Variants in IFT88 observed in about 807,000 individuals in gnomAD.
IFT88 encodes the protein intraflagellar transport 88.
Under a neutral mutation model 119.5 loss-of-function variants are expected in IFT88, and 74 were observed. The observed-to-expected ratio is 0.62, with a 90% CI of 0.51 to 0.75. IFT88 has a LOEUF of 0.75. IFT88 is among the 30% of genes least tolerant of loss of function. The pLI, the probability that IFT88 is intolerant of heterozygous loss-of-function variation, is 0.00. For synonymous variants in IFT88, 279 were observed against 316.7 expected, an observed-to-expected ratio of 0.88 and a Z score of 1.26; for missense variants, 961 against 977.7, an observed-to-expected ratio of 0.98 and a Z score of 0.23.
At chr13:20,674,726 T>TATATA (rs2056426946) in intron 24 of IFT88, among the ~76,000 whole-genome samples, 1 of 61,972 alleles carries the variant, frequency 1.6e-5, no homozygotes, top group East Asian at 5.4e-4. Flanking sequence ...ATATATATAT[T>TATATA]TTTTTTTTTT....
intron 20 of IFT88, among the ~76,000 whole-genome samples, chr13:20,649,483 C>T (rs189633932): frequency 5.3e-4 from 80 of 152,116 alleles, no homozygotes; most frequent in African/African-American, 1.8e-3. Flanking sequence ...CTAAAACTTA[C>T]AAGATGCTGC....
intron 2 of IFT88, among the ~76,000 whole-genome samples, chr13:20,577,667 C>T (rs2037651220): frequency 6.6e-6 from 1 of 152,068 alleles, no homozygotes; most frequent in Non-Finnish European, 1.5e-5. Context: ...GATTGATTTG[C>T]ATAAGTTGAA....
intron 20 of IFT88, among the ~76,000 whole-genome samples, chr13:20,651,657 G>A (rs73433350): frequency 2.8e-3 from 420 of 151,576 alleles, no homozygotes; most frequent in African/African-American, 8.8e-3. Context: ...GAGACAGACC[G>A]CATCTACATA....
chr13:20,667,438 A>AG (rs1174109746), intron 23 of IFT88, among the ~76,000 whole-genome samples: 4 of 152,150 alleles, frequency 2.6e-5, no homozygotes, highest in Non-Finnish European at 5.9e-5. Flanking sequence ...GAGTGTGGGC[A>AG]GGAATTCCCT....
intron 9 of IFT88, among the ~76,000 whole-genome samples, chr13:20,598,245 A>G (rs2042076328): frequency 1.3e-5 from 2 of 152,296 alleles, no homozygotes; most frequent in South Asian, 2.1e-4. Context: ...GTAATTTAGT[A>G]TATAGAGCTT....
At chr13:20,610,485 T>C (rs2044292831) in intron 13 of IFT88, among the ~76,000 whole-genome samples, 1 of 152,098 alleles carries the variant, frequency 6.6e-6, no homozygotes, top group Non-Finnish European at 1.5e-5. Flanking sequence ...TTACAGGAGT[T>C]GTCTATACGA....
intron 7 of IFT88, 106 bp downstream of exon 7, chr13:20,592,510 C>A: frequency 2.6e-6 from 2 of 761,902 alleles, no homozygotes; most frequent in Non-Finnish European, 4.2e-6. Context: ...CACTCTGTTG[C>A]CCAGGCTGGA....
At chr13:20,650,070 T>A (rs2140454161) in intron 20 of IFT88, among the ~76,000 whole-genome samples, 1 of 152,016 alleles carries the variant, frequency 6.6e-6, no homozygotes, top group Non-Finnish European at 1.5e-5. Context: ...ATTCACACCA[T>A]TTTTTTTCAA....
At chr13:20,675,906 C>T (rs2056606616) in intron 24 of IFT88, among the ~76,000 whole-genome samples, 1 of 152,222 alleles carries the variant, frequency 6.6e-6, no homozygotes, top group African/African-American at 2.4e-5. Context: ...TTGCTAATCC[C>T]TGCTCTAAGC....
chr13:20,576,011 C>G (rs2037312444), intron 2 of IFT88, among the ~76,000 whole-genome samples: 1 of 152,188 alleles, frequency 6.6e-6, no homozygotes, highest in Non-Finnish European at 1.5e-5. Flanking sequence ...TCCCTTTTCT[C>G]CACATTCTCA....
chr13:20,587,647 A>G (rs1401809372), intron 3 of IFT88, among the ~76,000 whole-genome samples: 2 of 152,104 alleles, frequency 1.3e-5, no homozygotes, highest in Non-Finnish European at 2.9e-5. Context: ...CTTTATATAT[A>G]TGGAGCAAAG....
At chr13:20,646,333 T>A (rs1210421366) in intron 20 of IFT88, among the ~76,000 whole-genome samples, 1 of 151,702 alleles carries the variant, frequency 6.6e-6, no homozygotes, top group East Asian at 1.9e-4. Context: ...GACGGAGTCT[T>A]GCTTTGTCGC....
At chr13:20,648,736 A>C (rs998448369) in intron 20 of IFT88, among the ~76,000 whole-genome samples, 9 of 152,156 alleles carry the variant, frequency 5.9e-5, no homozygotes, top group African/African-American at 2.2e-4. Flanking sequence ...TAGCAGATTG[A>C]ATAAGAAAAT....
chr13:20,667,383 G>A (rs2054886848), intron 23 of IFT88, among the ~76,000 whole-genome samples: 1 of 152,116 alleles, frequency 6.6e-6, no homozygotes, highest in African/African-American at 2.4e-5. Flanking sequence ...GAGGTGGGTT[G>A]CATGTCAGAT....
chr13:20,591,742 T>G (rs765693817), intron 6 of IFT88, 61 bp downstream of exon 6: 3 of 1,091,144 alleles, frequency 2.7e-6, no homozygotes, highest in Non-Finnish European at 4.1e-6. Context: ...TATCATTTTG[T>G]GATATAAATA....
intron 1 of IFT88, among the ~76,000 whole-genome samples, chr13:20,570,004 C>A (rs1185694345): frequency 3.3e-5 from 5 of 151,184 alleles, no homozygotes; most frequent in African/African-American, 1.2e-4. Context: ...GCGCCACTGC[C>A]CTCTAGCCTA....
chr13:20,661,991 T>C (rs1337261476), intron 22 of IFT88, among the ~76,000 whole-genome samples: 1 of 152,172 alleles, frequency 6.6e-6, no homozygotes, highest in Non-Finnish European at 1.5e-5. Context: ...GATTTTCAAA[T>C]GCCCTACCTA....
rs972920282 is a variant in IFT88, at chr13:20,587,605, C to G, written c.154-2206C>G. Among the ~76,000 whole-genome samples, 10 of 152,114 alleles carry G rather than the reference C, an allele frequency of 6.6e-5. No homozygotes were observed. In the South Asian group the frequency reaches 1.7e-3, roughly 25 times the overall value. On this transcript the variant is annotated intron_variant, in intron 3 of 25. Transcript: ENST00000351808. ...AAAGCGTGATCAATTCTTGTACTCT[C>G]GTTGTGGGTTTGTATTTTTTTTAGG...
intron 22 of IFT88, among the ~76,000 whole-genome samples, chr13:20,658,224 G>T (rs1333745840): frequency 6.6e-6 from 1 of 151,024 alleles, no homozygotes; most frequent in African/African-American, 2.4e-5. Context: ...AGTGTCCCTA[G>T]TAGTTGGGAT....
Sources: allele counts gnomAD v4.1 joint callset (sites outside exome capture counted in the v4.1 genomes callset), GRCh38; gene constraint gnomAD v4.1.1; transcripts MANE v1.5; gene names NCBI Gene and HGNC (gene_info 2026-07-23, HGNC 2026-07-21).